Variants in USP6NL observed in about 807,000 individuals in gnomAD.
USP6NL encodes USP6 N-terminal-like protein.
In USP6NL, 26 loss-of-function variants were observed where a neutral mutation model predicts 61.9. That is an observed-to-expected ratio of 0.42 (90% CI 0.31 to 0.58). The LOEUF (loss-of-function observed/expected upper bound fraction) is 0.58, where lower values mean the gene tolerates loss of function less well. Among genes scored for constraint, USP6NL ranks in the 20% least tolerant of loss-of-function variants. The pLI, the probability that USP6NL is intolerant of heterozygous loss-of-function variation, is 0.16. For missense variants in USP6NL, 1,114 were observed against 1,034.3 expected (o/e 1.08, Z -1.06); for synonymous variants, 432 against 390.1 (o/e 1.11, Z -1.27).
In USP6NL at chr10:11,602,039, A is replaced by G. The variant is rs1359459088; in HGVS notation, c.-83-4322T>C. Reference sequence around the variant, plus strand: ...CCTTCATTGATGTATTATTTGTAATAGCAATATATATACATACATATACAT... The same window carrying G: ...CCTTCATTGATGTATTATTTGTAATGGCAATATATATACATACATATACAT... On this transcript the variant is annotated intron_variant, in intron 1 of 14. Transcript: ENST00000609104. The surrounding 1 kb of genome is among the most constrained non-coding windows in gnomAD (Gnocchi z 4.8). Among the ~76,000 whole-genome samples, 1 of 152,248 alleles carries G rather than the reference A, an allele frequency of 6.6e-6. No homozygotes were observed. Among genetic ancestry groups the G allele is most frequent in the Non-Finnish European group, 1.5e-5 (1 of 68,042 alleles).
rs554619055 is a variant in USP6NL, at chr10:11,533,158, A to G, written c.5-5591T>C. Among the ~76,000 whole-genome samples, 5 of 152,330 alleles carry G rather than the reference A, an allele frequency of 3.3e-5. No individual in the cohort carries two copies. In the East Asian group the frequency reaches 9.6e-4, roughly 29 times the overall value. ...CTAAAGCAAAAGATCTCAGAAGTTGAGAGGGGGAAAATTTCTCAAGCCATA... is the reference window on the plus strand; with the variant it reads ...CTAAAGCAAAAGATCTCAGAAGTTGGGAGGGGGAAAATTTCTCAAGCCATA... On this transcript the variant is annotated intron_variant, in intron 2 of 14. Coordinates refer to ENST00000609104, the MANE Select transcript of USP6NL (RefSeq NM_014688.5).
rs1591880993 is a variant in USP6NL, at chr10:11,520,979, G to A, written c.156-2405C>T. ...CTATATCTCACAGAAATACAGTAAGGGAAAACCATAAGACAGCCATCTCTG... is the reference window on the plus strand; with the variant it reads ...CTATATCTCACAGAAATACAGTAAGAGAAAACCATAAGACAGCCATCTCTG... On this transcript the variant is annotated intron_variant, in intron 4 of 14. Coordinates refer to ENST00000609104, the MANE Select transcript of USP6NL (RefSeq NM_014688.5). This position sits in a 1 kb window ranked among gnomAD's most constrained non-coding sequence, Gnocchi z 5.2. Among the ~76,000 whole-genome samples, 5 of 152,256 alleles carry A rather than the reference G, an allele frequency of 3.3e-5. No homozygotes were observed. The highest frequency in any genetic ancestry group is 3.3e-4 in the Admixed American group (5 of 15,286).
chr10:11,516,270 G>C (rs1051979415), intron 5 of USP6NL, among the ~76,000 whole-genome samples: 26 of 152,160 alleles, frequency 1.7e-4, no homozygotes, highest in Non-Finnish European at 2.9e-5. Context: ...GGAAAGCTGT[G>C]ATTACCCGAC....
At chr10:11,494,685 T>C (rs1833841693) in intron 7 of USP6NL, among the ~76,000 whole-genome samples, 1 of 152,118 alleles carries the variant, frequency 6.6e-6, no homozygotes, top group Admixed American at 6.5e-5. Context: ...GTGGGTCACG[T>C]GTCAACTGGA....
chr10:11,562,991 T>TA lies in USP6NL; in HGVS notation c.4+34639dup, dbSNP rs559144520. Among the ~76,000 whole-genome samples, 1,638 of 150,964 alleles carry TA rather than the reference T, an allele frequency of 0.011. 34 individuals carry two copies. Among genetic ancestry groups the TA allele is most frequent in the African/African-American group, 0.035 (1,449 of 41,196 alleles). On this transcript the variant is annotated intron_variant, in intron 2 of 14. Coordinates refer to ENST00000609104, the MANE Select transcript of USP6NL (RefSeq NM_014688.5). The surrounding 1 kb of genome is among the most constrained non-coding windows in gnomAD (Gnocchi z 4.8). ...TTCATAGTAGCTTTATTTGTAATAG[T>TA]AAAAAAAATAAAAAATAAAATAAAA... is the stretch of plus-strand genomic sequence containing the variant.
intron 1 of USP6NL, among the ~76,000 whole-genome samples, chr10:11,610,578 C>A (rs1033351318): frequency 7.9e-5 from 12 of 151,234 alleles, no homozygotes; most frequent in African/African-American, 2.9e-4. Flanking sequence ...GGATTGAAAC[C>A]ATTTTCTTTC....
chr10:11,508,876 T>C (rs1834574901), intron 6 of USP6NL, among the ~76,000 whole-genome samples: 1 of 152,196 alleles, frequency 6.6e-6, no homozygotes, highest in South Asian at 2.1e-4. Context: ...CTCAAAAATA[T>C]CTTAAATGAG....
intron 1 of USP6NL, among the ~76,000 whole-genome samples, chr10:11,609,513 T>C (rs1838811112): frequency 6.6e-6 from 1 of 152,244 alleles, no homozygotes; most frequent in Non-Finnish European, 1.5e-5. Context: ...TTGTAATCAC[T>C]TGTCTCGTTC....
At chr10:11,502,629 C>T (rs1026997343) in intron 6 of USP6NL, among the ~76,000 whole-genome samples, 1 of 152,136 alleles carries the variant, frequency 6.6e-6, no homozygotes, top group African/African-American at 2.4e-5. Flanking sequence ...GTACACAAGG[C>T]TTTAACTATT....
chr10:11,515,816 AGAC>A (rs1451523740), intron 5 of USP6NL, among the ~76,000 whole-genome samples: 2 of 152,198 alleles, frequency 1.3e-5, no homozygotes, highest in Admixed American at 6.5e-5. Context: ...GGTCAGAAGA[AGAC>A]AAGAAGTACA....
chr10:11,538,069 T>C (rs1397363628), intron 2 of USP6NL, among the ~76,000 whole-genome samples: 2 of 152,244 alleles, frequency 1.3e-5, no homozygotes, highest in African/African-American at 4.8e-5. Context: ...AATATTTCTA[T>C]AACTAGTAAA....
rs71287359 is a variant in USP6NL, at chr10:11,528,160, C to CACACACA, written c.5-594_5-593insTGTGTGT. ...ACACACACACACACACACACACACA[C>CACACACA]CCTTCATCCTTATTAACATTAGGAG... On this transcript the variant is annotated intron_variant, in intron 2 of 14. Transcript: ENST00000609104. The surrounding 1 kb of genome is among the most constrained non-coding windows in gnomAD (Gnocchi z 4.6). 6.6e-6 allele frequency among the ~76,000 whole-genome samples: 1 copy of CACACACA among 151,332 alleles called. No homozygotes were observed.
At chr10:11,484,927 C>T in intron 13 of USP6NL, 44 bp downstream of exon 13, 1 of 1,426,624 alleles carries the variant, frequency 7.0e-7, no homozygotes, top group Non-Finnish European at 9.4e-7. Context: ...GTTAAATAAG[C>T]CTCAATTTTT....
intron 14 of USP6NL, among the ~76,000 whole-genome samples, chr10:11,467,039 C>T (rs1341664871): frequency 6.6e-6 from 1 of 152,220 alleles, no homozygotes; most frequent in Non-Finnish European, 1.5e-5. Flanking sequence ...TTAGACTCAT[C>T]ATTTCAATCT....
chr10:11,463,161 G>A lies in USP6NL; in HGVS notation c.1767C>T (p.His589=). 1.2e-6 allele frequency: 2 copies of A among 1,613,884 alleles called. No homozygotes were observed. Among genetic ancestry groups the A allele is most frequent in the Non-Finnish European group, 1.7e-6 (2 of 1,179,892 alleles). ...TTGATGGACTAGAACTTGGCTCAGC[G>A]TGCTTTCTCGGGCTAGGAGGGTAAA... The part of the protein sequence containing the change: ...HALYPPSPRK[H]AEPSSSPSKV... Residue 589 remains histidine (H), a synonymous_variant, in exon 15 of 15, where the codon CAC becomes CAT. Transcript: ENST00000609104. This position sits in a 1 kb window ranked among gnomAD's most constrained non-coding sequence, Gnocchi z 6.3.
intron 2 of USP6NL, among the ~76,000 whole-genome samples, chr10:11,544,962 A>C (rs772511294): frequency 6.6e-6 from 1 of 152,192 alleles, no homozygotes; most frequent in African/African-American, 2.4e-5. Context: ...CAAAACAAAA[A>C]ACACAGGGCA....
At chr10:11,605,096 A>G (rs962577677) in intron 1 of USP6NL, among the ~76,000 whole-genome samples, 2 of 152,238 alleles carry the variant, frequency 1.3e-5, no homozygotes, top group Admixed American at 6.5e-5. Flanking sequence ...AACAGCTAAC[A>G]AGACAGTGTG....
intron 6 of USP6NL, among the ~76,000 whole-genome samples, chr10:11,503,924 G>A (rs534100004): frequency 6.6e-6 from 1 of 152,228 alleles, no homozygotes; most frequent in Admixed American, 6.5e-5. Context: ...CACGGCCCAT[G>A]GTTTTGCCCA....
Position 11,595,615 on chromosome 10 carries a change from G to T in USP6NL, c.4+2016C>A, listed in dbSNP as rs1002032764. On this transcript the variant is annotated intron_variant, in intron 2 of 14. Coordinates refer to ENST00000609104, the MANE Select transcript of USP6NL (RefSeq NM_014688.5). This position sits in a 1 kb window ranked among gnomAD's most constrained non-coding sequence, Gnocchi z 5.3. ...TCCAAAGCCAGGCAGAGACAAATAT[G>T]AATCTGCTAGACCAGCATGAAAAAA... Among the ~76,000 whole-genome samples the T allele has an allele frequency of 1.3e-5, 2 of 152,004 alleles. No homozygotes were observed. The highest frequency in any genetic ancestry group is 1.3e-4 in the Admixed American group (2 of 15,266).
Sources: gnomAD v4.1 joint callset for allele counts (sites outside exome capture counted in the v4.1 genomes callset) on GRCh38, gnomAD v4.1.1 for gene constraint, Gnocchi (gnomAD v3.1) non-coding constraint, MANE v1.5 for transcripts, NCBI Gene and HGNC (gene_info 2026-07-23, HGNC 2026-07-21) for gene names.